The following UGT1A8 variants were observed in gnomAD, a reference collection of about 807,000 sequenced individuals.
UGT1A8 encodes the protein UDP glucuronosyltransferase family 1 member A8.
In UGT1A8, 39 loss-of-function variants were observed where a neutral mutation model predicts 45.3. That is an observed-to-expected ratio of 0.86 (90% CI 0.67 to 1.12). The LOEUF is 1.12. UGT1A8 is among the 50% of genes most tolerant of loss of function. UGT1A8 has a pLI of 0.00. For synonymous variants in UGT1A8, 275 were observed against 249.2 expected (o/e 1.10, Z -0.97); for missense variants, 719 against 664.9 (o/e 1.08, Z -0.90).
intron 1 of UGT1A8, chr2:233,648,820 C>A (rs1441668936): frequency 2.9e-6 from 3 of 1,023,094 alleles, no homozygotes; most frequent in Non-Finnish European, 4.4e-6. Context: ...CTTAGAGGAG[C>A]ATTTATTTTG....
At chr2:233,767,265 T>G in intron 2 of UGT1A8, 100 bp downstream of exon 2, 2 of 1,588,600 alleles carry the variant, frequency 1.3e-6, no homozygotes. Flanking sequence ...GAACCTTAGA[T>G]TTGGCTTTTC....
chr2:233,727,510 G>A (rs1189084466), intron 1 of UGT1A8, among the ~76,000 whole-genome samples: 2 of 152,170 alleles, frequency 1.3e-5, no homozygotes, highest in Admixed American at 1.3e-4. Flanking sequence ...GCCCATGAAT[G>A]TGGGAAGAGC....
chr2:233,618,768 T>G, intron 1 of UGT1A8, among the ~76,000 whole-genome samples: 1 of 152,222 alleles, frequency 6.6e-6, no homozygotes, highest in East Asian at 1.9e-4. Context: ...GTATATAATT[T>G]AAAAATTGTA....
intron 1 of UGT1A8, among the ~76,000 whole-genome samples, chr2:233,669,219 G>A (rs2074133863): frequency 6.6e-6 from 1 of 151,838 alleles, no homozygotes; most frequent in Admixed American, 6.6e-5. Context: ...CTATAGATTT[G>A]TAATAAGTCT....
At chr2:233,703,003 G>T (rs1384511642) in intron 1 of UGT1A8, among the ~76,000 whole-genome samples, 1 of 152,110 alleles carries the variant, frequency 6.6e-6, no homozygotes, top group Non-Finnish European at 1.5e-5. Flanking sequence ...CTATTTTTTG[G>T]GAACAGTCTG....
intron 1 of UGT1A8, among the ~76,000 whole-genome samples, chr2:233,625,342 T>C (rs2073070733): frequency 6.6e-6 from 1 of 152,046 alleles, no homozygotes; most frequent in South Asian, 2.1e-4. Context: ...CTGTTGGTGG[T>C]GGGAACGCAA....
intron 1 of UGT1A8, among the ~76,000 whole-genome samples, chr2:233,638,793 T>G (rs544696095): frequency 6.6e-6 from 1 of 152,346 alleles, no homozygotes; most frequent in South Asian, 2.1e-4. Flanking sequence ...TTCAGCCATC[T>G]CATAGGAAAG....
chr2:233,671,284 T>C (rs1575414721), intron 1 of UGT1A8, among the ~76,000 whole-genome samples: 1 of 152,220 alleles, frequency 6.6e-6, no homozygotes, highest in East Asian at 1.9e-4. Context: ...GAAAGCCATT[T>C]AAAATAGGAG....
intron 1 of UGT1A8, among the ~76,000 whole-genome samples, chr2:233,642,870 G>GTCTCTCTCTCTCTCTCACTC (rs2073489232): frequency 6.6e-6 from 1 of 151,140 alleles, no homozygotes; most frequent in East Asian, 1.9e-4. Context: ...AAAATACAGA[G>GTCTCTCTCTCTCTCTCACTC]TCTCTCTCTC....
At chr2:233,755,000 G>A (rs1457245121) in intron 1 of UGT1A8, 1 of 1,292,978 alleles carries the variant, frequency 7.7e-7, no homozygotes, top group Non-Finnish European at 1.0e-6. Flanking sequence ...GGAAGCTGAA[G>A]ACCTACTCGA....
intron 1 of UGT1A8, among the ~76,000 whole-genome samples, chr2:233,675,188 G>A (rs917244448): frequency 6.6e-6 from 1 of 152,142 alleles, no homozygotes; most frequent in East Asian, 1.9e-4. Flanking sequence ...AACAAGGATG[G>A]CAGATGGCCC....
In UGT1A8 at chr2:233,713,389, A is replaced by G. The variant is rs751275853; in HGVS notation, c.856-53645A>G. On this transcript the variant is annotated intron_variant, in intron 1 of 4. Transcript: ENST00000373450. ...CATAGGTCTTGTGTGGAGCTACTGC[A>G]TAATGAGGCCCTGATCAGGCACCTG... 3 of 1,614,218 alleles carry G rather than the reference A, an allele frequency of 1.9e-6. No individual in the cohort carries two copies. The East Asian group carries it at 6.7e-5, about 36-fold the overall frequency.
At chr2:233,724,529 G>C (rs1336753054) in intron 1 of UGT1A8, among the ~76,000 whole-genome samples, 1 of 116,504 alleles carries the variant, frequency 8.6e-6, no homozygotes, top group East Asian at 2.7e-4. Flanking sequence ...ATGGGGTCTC[G>C]CCGGGCAGAG....
chr2:233,722,844 T>C (rs1216132787), intron 1 of UGT1A8, among the ~76,000 whole-genome samples: 6 of 105,740 alleles, frequency 5.7e-5, no homozygotes, highest in African/African-American at 3.6e-4. Flanking sequence ...TAAGAATGTT[T>C]CTTTTTTTTT....
intron 1 of UGT1A8, among the ~76,000 whole-genome samples, chr2:233,645,158 TC>T (rs2073566578): frequency 6.6e-6 from 1 of 152,162 alleles, no homozygotes; most frequent in Admixed American, 6.5e-5. Context: ...ATGAAAGCAA[TC>T]CAGAAAAATT....
intron 1 of UGT1A8, among the ~76,000 whole-genome samples, chr2:233,633,958 T>C (rs544735083): frequency 6.6e-6 from 1 of 152,358 alleles, no homozygotes; most frequent in South Asian, 2.1e-4. Context: ...TGCTATAAAT[T>C]TCCCTCTGAA....
rs367682058 is a variant in UGT1A8, at chr2:233,743,655, C to T, written c.856-23379C>T. The T allele has an allele frequency of 6.6e-6, 9 of 1,367,176 alleles. No homozygotes were observed. In the East Asian group the frequency reaches 3.2e-4, roughly 48 times the overall value. The allele number at this position is 1,367,176 out of a possible 1,614,324, so 84.7% of individuals were successfully genotyped here. ...GGGTCGCGGAAGCTGAAGACGTACT[C>T]GAAGGGGTCCTCGAAGGGCCTGCCG... On this transcript the variant is annotated intron_variant, in intron 1 of 4. Coordinates refer to ENST00000373450, the MANE Select transcript of UGT1A8 (RefSeq NM_019076.5).
intron 1 of UGT1A8, among the ~76,000 whole-genome samples, chr2:233,665,037 A>G (rs1575410569): frequency 1.3e-5 from 2 of 152,174 alleles, no homozygotes; most frequent in African/African-American, 2.4e-5. Flanking sequence ...TGTGTGCATC[A>G]TTTTCATTTT....
At chr2:233,669,128 T>C (rs2074132714) in intron 1 of UGT1A8, among the ~76,000 whole-genome samples, 1 of 152,218 alleles carries the variant, frequency 6.6e-6, no homozygotes, top group Non-Finnish European at 1.5e-5. Flanking sequence ...CTGTGCACCT[T>C]TGAAAAAACT....
Sources: allele counts gnomAD v4.1 joint callset (sites outside exome capture counted in the v4.1 genomes callset), GRCh38; gene constraint gnomAD v4.1.1; transcripts MANE v1.5; gene names NCBI Gene and HGNC (gene_info 2026-07-23, HGNC 2026-07-21).